LZTS1: variants seen among roughly 807,000 people sequenced by gnomAD.
LZTS1 encodes the protein leucine zipper tumor suppressor 1, also known as leucine zipper putative tumor suppressor 1.
LZTS1 carries 31 observed loss-of-function variants against 45.8 expected under a neutral mutation model. The observed-to-expected ratio is 0.68, with a 90% CI of 0.51 to 0.91. LZTS1 has a LOEUF of 0.91. Ranked by LOEUF, LZTS1 falls within the 40% of genes least tolerant of loss-of-function variation. The pLI, the probability that LZTS1 is intolerant of heterozygous loss-of-function variation, is 0.00. For synonymous variants in LZTS1, 359 were observed against 357.3 expected, an observed-to-expected ratio of 1.00 and a Z score of -0.05; for missense variants, 821 against 788.9, an observed-to-expected ratio of 1.04 and a Z score of -0.49.
intron 1 of LZTS1, among the ~76,000 whole-genome samples, chr8:20,302,172 G>A (rs1431469047): frequency 6.6e-6 from 1 of 152,056 alleles, no homozygotes; most frequent in Admixed American, 6.6e-5. Context: ...CACCAACCTG[G>A]TAGTTATGTT....
chr8:20,272,812 G>A (rs1585292199), intron 1 of LZTS1, among the ~76,000 whole-genome samples: 1 of 152,138 alleles, frequency 6.6e-6, no homozygotes, highest in African/African-American at 2.4e-5. Flanking sequence ...CAGCCATGGC[G>A]TGACTCTCGT....
intron 1 of LZTS1, among the ~76,000 whole-genome samples, chr8:20,288,543 C>T (rs73669760): frequency 2.9e-4 from 44 of 152,332 alleles, no homozygotes; most frequent in African/African-American, 1.1e-3. Context: ...AGAGGGTGCA[C>T]TGTTACTACC....
rs773405615 is a variant in LZTS1 at position 20,255,155 on chromosome 8, G to A, written c.27C>T (p.Ser9=). The A allele has an allele frequency of 6.2e-6, 10 of 1,613,584 alleles. No homozygotes were observed. The highest frequency in any genetic ancestry group is 1.1e-5 in the South Asian group (1 of 91,052). ...AGTGCTTGCTGTGGAAGCTGTGGCC[G>A]GAGATGAGGCTACTGACGCTGCCCA... MGSVSSLI[S]GHSFHSKHCR... is the part of the protein sequence containing the mutation. The change falls in exon 2 of 4, where the codon TCC becomes TCT. Residue 9 remains serine (S), a synonymous_variant. Transcript: ENST00000381569.
At chr8:20,279,251 T>G (rs1800640531) in intron 1 of LZTS1, among the ~76,000 whole-genome samples, 1 of 152,202 alleles carries the variant, frequency 6.6e-6, no homozygotes, top group South Asian at 2.1e-4. Flanking sequence ...ACCTGTTCTT[T>G]ATCTGTCTAT....
At chr8:20,293,856 G>C (rs116167598) in intron 1 of LZTS1, among the ~76,000 whole-genome samples, 1 of 152,104 alleles carries the variant, frequency 6.6e-6, no homozygotes, top group African/African-American at 2.4e-5. Flanking sequence ...CCAGGAGTTC[G>C]AGGCTGCAGT....
intron 1 of LZTS1, among the ~76,000 whole-genome samples, chr8:20,285,566 T>C (rs1288120272): frequency 3.3e-5 from 5 of 152,246 alleles, no homozygotes; most frequent in East Asian, 3.8e-4. Context: ...ATTATTGTGA[T>C]GAATTAAGGA....
At chr8:20,300,523 G>A (rs1324406252) in intron 1 of LZTS1, among the ~76,000 whole-genome samples, 2 of 151,872 alleles carry the variant, frequency 1.3e-5, no homozygotes, top group Non-Finnish European at 2.9e-5. Context: ...TAGTAGAGAC[G>A]GTGTTTCACC....
intron 1 of LZTS1, among the ~76,000 whole-genome samples, chr8:20,297,328 T>G (rs1056925693): frequency 6.6e-6 from 1 of 152,238 alleles, no homozygotes; most frequent in African/African-American, 2.4e-5. Context: ...AAGAAAGAAC[T>G]GACATATGAT....
Position 20,249,946 on chromosome 8 carries a change from A to T in LZTS1, c.1567T>A (p.Ser523Thr), listed in dbSNP as rs1021401192. 1 of 1,614,094 alleles carries T rather than the reference A, an allele frequency of 6.2e-7. No individual in the cohort carries two copies. Among genetic ancestry groups the T allele is most frequent in the Non-Finnish European group, 8.5e-7 (1 of 1,179,980 alleles). ...EERQGHDQMSSGFQHERLVWK... is the reference protein window; with the variant it reads ...EERQGHDQMSTGFQHERLVWK... Reference sequence around the variant, plus strand: ...ACGAGCCGCTCATGCTGGAAGCCCGAGGACATCTGGTCATGGCCTTGCCGC... The same window carrying T: ...ACGAGCCGCTCATGCTGGAAGCCCGTGGACATCTGGTCATGGCCTTGCCGC... The change falls in exon 4 of 4, where the codon TCG becomes ACG. Residue 523 changes from serine to threonine, a missense_variant. Coordinates refer to ENST00000381569, the MANE Select transcript of LZTS1 (RefSeq NM_021020.5).
intron 1 of LZTS1, among the ~76,000 whole-genome samples, chr8:20,291,148 C>T (rs139370919): frequency 2.0e-4 from 31 of 152,386 alleles, no homozygotes; most frequent in African/African-American, 6.7e-4. Context: ...TCTATTTTAA[C>T]GTAGTCAGAT....
chr8:20,279,043 G>A (rs114138333), intron 1 of LZTS1, among the ~76,000 whole-genome samples: 2,282 of 152,238 alleles, frequency 0.015, 66 homozygotes, highest in African/African-American at 0.051. Context: ...TGTGCCACAG[G>A]CACAACCTAG....
intron 1 of LZTS1, among the ~76,000 whole-genome samples, chr8:20,255,569 C>T (rs1236283947): frequency 6.6e-6 from 1 of 152,172 alleles, no homozygotes; most frequent in African/African-American, 2.4e-5. Flanking sequence ...TCCCTGCATT[C>T]CTGGAACTTA....
At chr8:20,271,763 G>T (rs1800478800) in intron 1 of LZTS1, among the ~76,000 whole-genome samples, 1 of 152,242 alleles carries the variant, frequency 6.6e-6, no homozygotes, top group South Asian at 2.1e-4. Flanking sequence ...AGCAATGCCA[G>T]TCCTATGCTC....
intron 1 of LZTS1, among the ~76,000 whole-genome samples, chr8:20,279,030 T>C (rs1024575357): frequency 8.5e-5 from 13 of 152,232 alleles, no homozygotes; most frequent in African/African-American, 3.1e-4. Flanking sequence ...CATAATGCTC[T>C]CATGTGCCAC....
intron 1 of LZTS1, among the ~76,000 whole-genome samples, chr8:20,267,634 G>A (rs184518010): frequency 6.6e-6 from 1 of 152,238 alleles, no homozygotes; most frequent in Non-Finnish European, 1.5e-5. Context: ...TTCTGCCTCA[G>A]CCTCCCAAGT....
At chr8:20,262,856 G>T (rs1457543475) in intron 1 of LZTS1, among the ~76,000 whole-genome samples, 1 of 152,130 alleles carries the variant, frequency 6.6e-6, no homozygotes, top group East Asian at 1.9e-4. Context: ...ACTTGGTTTG[G>T]GGGGAAGAGG....
At chr8:20,283,396 T>C (rs1314791112) in intron 1 of LZTS1, among the ~76,000 whole-genome samples, 1 of 152,086 alleles carries the variant, frequency 6.6e-6, no homozygotes, top group Non-Finnish European at 1.5e-5. Context: ...AACCAGAAAG[T>C]GGGTCCTCCC....
At chr8:20,291,548 G>T (rs1216311277) in intron 1 of LZTS1, among the ~76,000 whole-genome samples, 1 of 152,206 alleles carries the variant, frequency 6.6e-6, no homozygotes, top group Non-Finnish European at 1.5e-5. Flanking sequence ...GCTCAGAGAG[G>T]CCAAGTGACT....
At chr8:20,252,689 T>A in intron 3 of LZTS1, 93 bp downstream of exon 3, 1 of 1,225,134 alleles carries the variant, frequency 8.2e-7, no homozygotes, top group South Asian at 1.9e-5. Flanking sequence ...GCGCGGTCTG[T>A]GTTTGCACGC....
Sources: allele counts gnomAD v4.1 joint callset (sites outside exome capture counted in the v4.1 genomes callset), GRCh38; gene constraint gnomAD v4.1.1; transcripts MANE v1.5; gene names NCBI Gene and HGNC (gene_info 2026-07-23, HGNC 2026-07-21).